PRR5: variants seen among roughly 807,000 people sequenced by gnomAD.
PRR5 encodes the protein proline-rich protein 5.
PRR5 carries 25 observed loss-of-function variants against 30.6 expected under a neutral mutation model. The observed-to-expected ratio is 0.82, with a 90% confidence interval of 0.60 to 1.14. PRR5 has a LOEUF of 1.14. PRR5 is among the 50% of genes most tolerant of loss of function. PRR5 has a pLI of 0.00. For missense variants in PRR5, 600 were observed against 547.1 expected (o/e 1.10, Z -0.96); for synonymous variants, 286 against 247.1 (o/e 1.16, Z -1.48).
Position 44,731,738 on chromosome 22 carries a change from C to G in PRR5, c.331C>G (p.Leu111Val), listed in dbSNP as rs1369498004. Residue 111 changes from leucine (L) to valine (V), a missense_variant, in exon 5 of 8, where the codon CTG (leucine) becomes GTG (valine). Physicochemically the swap from Leu to Val is conservative, Grantham distance 32. Coordinates refer to ENST00000336985, the MANE Select transcript of PRR5 (RefSeq NM_181333.4). ...DKIRFYEGQK[L>V]LDSLAETWDF... ...GGCCCCCATGCCCACAGGACAGAAG[C>G]TGCTGGACTCACTGGCAGAGACCTG... The G allele has an allele frequency of 1.2e-6, 2 of 1,613,800 alleles. No homozygotes were observed. Among genetic ancestry groups the G allele is most frequent in the South Asian group, 1.1e-5 (1 of 91,088 alleles).
chr22:44,725,164 G>C, intron 2 of PRR5, 80 bp from the exon 3 acceptor site: 1 of 1,588,616 alleles, frequency 6.3e-7, no homozygotes, highest in South Asian at 1.1e-5. Flanking sequence ...CTGCCCAGGA[G>C]GCCCCACCCC....
At chr22:44,692,687 G>A (rs928971754) in intron 1 of PRR5, among the ~76,000 whole-genome samples, 1 of 152,218 alleles carries the variant, frequency 6.6e-6, no homozygotes, top group African/African-American at 2.4e-5. Context: ...CTAAGAAAAG[G>A]CTGCCAGCCA....
intron 2 of PRR5, among the ~76,000 whole-genome samples, chr22:44,715,991 T>C (rs1569093997): frequency 1.3e-5 from 2 of 152,146 alleles, no homozygotes; most frequent in Admixed American, 1.3e-4. Flanking sequence ...ACTGTTAAAT[T>C]TACAAATCCA....
rs1366366759 is a variant in PRR5, at chr22:44,732,346, T to A, written c.510T>A (p.His170Gln). The change falls in exon 6 of 8, where the codon CAT (histidine) becomes CAA (glutamine). Residue 170 changes from histidine (H) to glutamine (Q), a missense_variant. Coordinates refer to ENST00000336985, the MANE Select transcript of PRR5 (RefSeq NM_181333.4). ...VKLEDALARA[H>Q]ARVPPAIVQM... ...TAGAGGATGCGCTGGCCCGGGCCCA[T>A]GCCCGTGTGCCCCCTGCCATCGTGC... The A allele has an allele frequency of 6.2e-7, 1 of 1,611,714 alleles. No individual in the cohort carries two copies. The highest frequency in any genetic ancestry group is 8.5e-7 in the Non-Finnish European group (1 of 1,179,806).
intron 5 of PRR5, 118 bp from the exon 6 acceptor site, chr22:44,732,133 G>T: frequency 1.3e-6 from 2 of 1,497,154 alleles, no homozygotes; most frequent in Non-Finnish European, 1.8e-6. Context: ...AGGAGAACGG[G>T]GTGGAGGGGC....
At chr22:44,680,021 G>C (rs913669889) in intron 1 of PRR5, 26 of 749,768 alleles carry the variant, frequency 3.5e-5, no homozygotes, top group Non-Finnish European at 5.2e-5. Flanking sequence ...ACCTCAGCCT[G>C]AGTGAGTGTG....
At position 44,731,905 on chromosome 22, in the gene PRR5, G is replaced by A; in HGVS notation, c.414+84G>A. The stretch of plus-strand genomic sequence containing the variant: ...TCACTCTACAGAGGGGGGCCGCCAG[G>A]CTTGGGGACACACACACCTGCTCTG... On this transcript the variant is annotated intron_variant, in intron 5 of 7. Transcript: ENST00000336985. 6.5e-6 allele frequency: 9 copies of A among 1,384,924 alleles called. No homozygotes were observed. In the South Asian group the frequency reaches 8.9e-5, roughly 14 times the overall value. 85.8% of individuals were successfully genotyped at this position (1,384,924 alleles called of 1,614,324 possible).
chr22:44,710,513 G>A (rs767655508), intron 1 of PRR5, among the ~76,000 whole-genome samples: 181 of 152,308 alleles, frequency 1.2e-3, no homozygotes, highest in Non-Finnish European at 2.2e-3. Context: ...AACTGGGCCC[G>A]TCTTTGCAGG....
chr22:44,703,943 T>G (rs545922541), intron 1 of PRR5, among the ~76,000 whole-genome samples: 3 of 152,188 alleles, frequency 2.0e-5, no homozygotes, highest in Non-Finnish European at 4.4e-5. Context: ...TCTCTGTCCT[T>G]GAATCTCTGC....
intron 1 of PRR5, among the ~76,000 whole-genome samples, chr22:44,669,081 G>C (rs1448386509): frequency 1.4e-5 from 2 of 146,716 alleles, no homozygotes; most frequent in Non-Finnish European, 3.0e-5. Flanking sequence ...GACCTCCCGA[G>C]CTCGTTCTCT....
intron 6 of PRR5, among the ~76,000 whole-genome samples, chr22:44,732,865 T>C (rs1173468675): frequency 8.1e-6 from 1 of 123,686 alleles, no homozygotes; most frequent in African/African-American, 3.3e-5. Flanking sequence ...CACACGCACA[T>C]ACTACACACT....
rs980260249 is a variant in PRR5 at position 44,731,865 on chromosome 22, G to T, written c.414+44G>T. 4 of 1,586,444 alleles carry T rather than the reference G, an allele frequency of 2.5e-6. No homozygotes were observed. In the Admixed American group the frequency reaches 7.0e-5, roughly 28 times the overall value. On this transcript the variant is annotated intron_variant, in intron 5 of 7. Coordinates refer to ENST00000336985, the MANE Select transcript of PRR5 (RefSeq NM_181333.4). ...GGGAGGGAAGCCCAGTGCCCCTGCT[G>T]TGCCCACCCTGGCCTCACTCTACAG... is the stretch of plus-strand genomic sequence containing the variant.
chr22:44,701,484 T>G (rs1348431883), upstream of PRR5, among the ~76,000 whole-genome samples: 2 of 152,208 alleles, frequency 1.3e-5, no homozygotes, highest in Non-Finnish European at 2.9e-5. Context: ...AAATCAGACA[T>G]CTAAAAGTGC....
intron 1 of PRR5, among the ~76,000 whole-genome samples, chr22:44,678,135 T>A (rs548525128): frequency 6.6e-6 from 1 of 152,152 alleles, no homozygotes; most frequent in Non-Finnish European, 1.5e-5. Context: ...GGGAACCCTG[T>A]GGATGGTCGG....
In PRR5 at chr22:44,730,650, G is replaced by C. The variant is rs572099675; in HGVS notation, c.323-1080G>C. 17 of 1,029,722 alleles carry C rather than the reference G, an allele frequency of 1.7e-5. No homozygotes were observed. In the South Asian group the frequency reaches 5.1e-4, roughly 31 times the overall value. 63.8% of individuals were successfully genotyped at this position (1,029,722 alleles called of 1,614,324 possible). A position where few individuals can be genotyped will look rare whatever the true frequency, so the allele number is the denominator to read the frequency against. ...GATGTGTCCCCATACCACTACGTCT[G>C]GCAAGCCCAGCTCCTATAGCCAGCT... On this transcript the variant is annotated intron_variant, in intron 4 of 7. Coordinates refer to ENST00000336985, the MANE Select transcript of PRR5 (RefSeq NM_181333.4).
intron 6 of PRR5, 25 bp downstream of exon 6, chr22:44,732,416 G>A: frequency 1.9e-6 from 3 of 1,592,122 alleles, no homozygotes; most frequent in African/African-American, 1.3e-5. Context: ...CAGAGGGTCG[G>A]GCATGGGGAC....
Position 44,737,321 on chromosome 22 carries a change from G to A in PRR5, c.*74G>A, listed in dbSNP as rs527992122. The A allele has an allele frequency of 1.3e-6, 2 of 1,515,428 alleles. No homozygotes were observed. The highest frequency in any genetic ancestry group is 1.4e-5 in the African/African-American group (1 of 72,366). 93.9% of individuals were successfully genotyped at this position (1,515,428 alleles called of 1,614,324 possible). A position where few individuals can be genotyped will look rare whatever the true frequency, so the allele number is the denominator to read the frequency against. The stretch of plus-strand genomic sequence containing the variant: ...GGGTGTCCATGTGGCGTGTGTGTGA[G>A]TGAGACTTTTTTACTGCGTCCCGTC... On this transcript the variant is annotated 3_prime_UTR_variant, in exon 8 of 8. Transcript: ENST00000336985.
chr22:44,680,943 G>A (rs952906286), intron 1 of PRR5, among the ~76,000 whole-genome samples: 1 of 152,212 alleles, frequency 6.6e-6, no homozygotes, highest in African/African-American at 2.4e-5. Flanking sequence ...CTACAATGTG[G>A]TCTCCACATT....
At chr22:44,727,371 A>G (rs1271221979) in intron 4 of PRR5, among the ~76,000 whole-genome samples, 2 of 152,102 alleles carry the variant, frequency 1.3e-5, no homozygotes, top group Non-Finnish European at 2.9e-5. Flanking sequence ...GTTCCCACGG[A>G]TGCTGCTTTG....
Sources: allele counts gnomAD v4.1 joint callset (sites outside exome capture counted in the v4.1 genomes callset), GRCh38; gene constraint gnomAD v4.1.1; transcripts MANE v1.5; gene names NCBI Gene and HGNC (gene_info 2026-07-23, HGNC 2026-07-21).